AGAP1: variants seen among roughly 807,000 people sequenced by gnomAD.
AGAP1 encodes the protein arf-GAP with GTPase, ANK repeat and PH domain-containing protein 1.
AGAP1 carries 29 observed loss-of-function variants against 105.3 expected under a neutral mutation model. That is an observed-to-expected ratio of 0.28 (90% CI 0.21 to 0.38). AGAP1 has a LOEUF of 0.38. Among genes scored for constraint, AGAP1 ranks in the 10% least tolerant of loss-of-function variants. The pLI, the probability that AGAP1 is intolerant of heterozygous loss-of-function variation, is 1.00. For missense variants in AGAP1, 998 were observed against 1,165.1 expected (o/e 0.86, Z 2.09); for synonymous variants, 509 against 485.9 (o/e 1.05, Z -0.63).
Position 235,988,662 on chromosome 2 carries a change from G to C in AGAP1, c.1645+20039G>C, listed in dbSNP as rs1404052235. 6.6e-6 allele frequency among the ~76,000 whole-genome samples: 1 copy of C among 152,096 alleles called. No individual in the cohort carries two copies. Among genetic ancestry groups the C allele is most frequent in the Admixed American group, 6.6e-5 (1 of 15,262 alleles). On this transcript the variant is annotated intron_variant, in intron 13 of 17. Transcript: ENST00000304032. This position sits in a 1 kb window ranked among gnomAD's most constrained non-coding sequence, Gnocchi z 4.7. ...CCTGTAACTTTCCAGTAATGAGGGG[G>C]CCCAGTGGGTAAATGGAATCTTAAA...
At chr2:235,671,897 C>T (rs963523960) in intron 1 of AGAP1, among the ~76,000 whole-genome samples, 17 of 152,090 alleles carry the variant, frequency 1.1e-4, no homozygotes, top group African/African-American at 4.1e-4. Flanking sequence ...CTCCAGAAAC[C>T]TCAAAACACA....
rs1265789711 is a variant in AGAP1, at chr2:235,993,355, T to TGGAAGCCCAAGAAGGCA, written c.1645+24736_1645+24752dup. On this transcript the variant is annotated intron_variant, in intron 13 of 17. Coordinates refer to ENST00000304032, the MANE Select transcript of AGAP1 (RefSeq NM_001037131.3). This position sits in a 1 kb window ranked among gnomAD's most constrained non-coding sequence, Gnocchi z 5.0. Reference sequence around the variant, plus strand: ...GTTAGCCTTGTCCCTTCGACTAGGCTGGAAGCCCAAGAAGGCAGGAGACTC... The same window carrying TGGAAGCCCAAGAAGGCA: ...GTTAGCCTTGTCCCTTCGACTAGGCTGGAAGCCCAAGAAGGCAGGAAGCCCAAGAAGGCAGGAGACTC... Among the ~76,000 whole-genome samples, 2 of 152,206 alleles carry TGGAAGCCCAAGAAGGCA rather than the reference T, an allele frequency of 1.3e-5. No homozygotes were observed. The highest frequency in any genetic ancestry group is 1.5e-5 in the Non-Finnish European group (1 of 68,040).
At chr2:235,846,385 G>A (rs1411827490) in intron 9 of AGAP1, among the ~76,000 whole-genome samples, 1 of 149,058 alleles carries the variant, frequency 6.7e-6, no homozygotes, top group Admixed American at 6.7e-5. Context: ...GTGCAGTGGT[G>A]CGATGATCTC....
rs552762184 is a variant in AGAP1 at position 235,877,399 on chromosome 2, A to T, written c.1051-5946A>T. Among the ~76,000 whole-genome samples, 4 of 152,292 alleles carry T rather than the reference A, an allele frequency of 2.6e-5. No individual in the cohort carries two copies. In the East Asian group the frequency reaches 7.7e-4, roughly 29 times the overall value. ...CCATCCGTGCCAGGGGTTAGGGATG[A>T]CGGTTGCAGGGCAGGCTCCTTTGGT... On this transcript the variant is annotated intron_variant, in intron 9 of 17. Coordinates refer to ENST00000304032, the MANE Select transcript of AGAP1 (RefSeq NM_001037131.3). This position sits in a 1 kb window ranked among gnomAD's most constrained non-coding sequence, Gnocchi z 4.3.
At chr2:235,808,060 T>C (rs1434458630) in intron 9 of AGAP1, among the ~76,000 whole-genome samples, 1 of 150,840 alleles carries the variant, frequency 6.6e-6, no homozygotes, top group African/African-American at 2.4e-5. Context: ...AAAAAAACCC[T>C]GGAGTCCACG....
At position 235,689,875 on chromosome 2, in the gene AGAP1, T is replaced by TCTG. The variant is rs1351116583; in HGVS notation, c.164-19303_164-19301dup. ...GTCCTACACCTCCTTTCCAGGAGTT[T>TCTG]CTGTGTGCATGATGCACTTCAGAAC... On this transcript the variant is annotated intron_variant, in intron 1 of 17. Transcript: ENST00000304032. This position sits in a 1 kb window ranked among gnomAD's most constrained non-coding sequence, Gnocchi z 4.2. Among the ~76,000 whole-genome samples the TCTG allele has an allele frequency of 6.6e-6, 1 of 152,198 alleles. No individual in the cohort carries two copies. Among genetic ancestry groups the TCTG allele is most frequent in the Admixed American group, 6.5e-5 (1 of 15,286 alleles).
chr2:235,669,431 G>A (rs1001818706), intron 1 of AGAP1, among the ~76,000 whole-genome samples: 2 of 151,854 alleles, frequency 1.3e-5, no homozygotes, highest in Non-Finnish European at 2.9e-5. Flanking sequence ...GCTGGGCTGG[G>A]CCCCTCGGAG....
chr2:235,534,704 C>T (rs752751768), intron 1 of AGAP1, among the ~76,000 whole-genome samples: 1 of 152,174 alleles, frequency 6.6e-6, no homozygotes, highest in Admixed American at 6.5e-5. Flanking sequence ...ACGGTGCCAC[C>T]GTTTCCTCAT....
chr2:235,594,150 G>T (rs1945440477), intron 1 of AGAP1, among the ~76,000 whole-genome samples: 1 of 152,228 alleles, frequency 6.6e-6, no homozygotes, highest in African/African-American at 2.4e-5. Flanking sequence ...CATCTGATAG[G>T]CGTTTGCTTT....
intron 16 of AGAP1, among the ~76,000 whole-genome samples, chr2:236,118,530 C>A (rs928011587): frequency 6.6e-6 from 1 of 151,984 alleles, no homozygotes; most frequent in South Asian, 2.1e-4. Context: ...GCTGGGATTA[C>A]AGGCGCCTGC....
In AGAP1 at chr2:236,131,699, T is replaced by G. The variant is rs1324824077; in HGVS notation, c.*7577T>G. 3 of 152,142 alleles carry G rather than the reference T, an allele frequency of 2.0e-5. No individual in the cohort carries two copies. The highest frequency in any genetic ancestry group is 2.9e-5 in the Non-Finnish European group (2 of 68,000). 9.4% of individuals were successfully genotyped at this position (152,142 alleles called of 1,614,324 possible). ...TTTTTGTGTCCGCTGTACAGTATTC[T>G]AAGGGAAAAAGAAAAAGAAAGATGT... On this transcript the variant is annotated 3_prime_UTR_variant, in exon 18 of 18. Transcript: ENST00000304032. The surrounding 1 kb of genome is among the most constrained non-coding windows in gnomAD (Gnocchi z 5.9).
At chr2:235,997,795 A>G (rs553631332) in intron 13 of AGAP1, among the ~76,000 whole-genome samples, 24 of 152,264 alleles carry the variant, frequency 1.6e-4, no homozygotes, top group African/African-American at 5.8e-4. Flanking sequence ...TCTTAATTGT[A>G]TAGTAGCTCA....
At chr2:235,589,723 G>A (rs916700858) in intron 1 of AGAP1, among the ~76,000 whole-genome samples, 13 of 152,104 alleles carry the variant, frequency 8.5e-5, no homozygotes, top group Non-Finnish European at 1.9e-4. Context: ...ATAGAATGGA[G>A]ATAATTGGAG....
chr2:235,584,696 A>G (rs1211476429), intron 1 of AGAP1, among the ~76,000 whole-genome samples: 1 of 151,734 alleles, frequency 6.6e-6, no homozygotes, highest in Non-Finnish European at 1.5e-5. Flanking sequence ...GAGGGAATAC[A>G]TTTCTGCTGT....
intron 6 of AGAP1, chr2:235,783,329 T>C (rs1453522074): frequency 2.1e-6 from 1 of 471,092 alleles, no homozygotes; most frequent in Admixed American, 2.4e-5. Flanking sequence ...GTCAAATAAA[T>C]TTAGATGTAT....
In AGAP1 at chr2:235,788,004, C is replaced by T. The variant is rs1221428386; in HGVS notation, c.674-9755C>T. ...AACATTCTGGGACCAAGAGTTTGAC[C>T]AAGTATTATACATTCTGGGACCTTC... On this transcript the variant is annotated intron_variant, in intron 6 of 17. Transcript: ENST00000304032. This position sits in a 1 kb window ranked among gnomAD's most constrained non-coding sequence, Gnocchi z 6.0. Among the ~76,000 whole-genome samples the T allele has an allele frequency of 3.9e-5, 6 of 152,156 alleles. No homozygotes were observed. The highest frequency in any genetic ancestry group is 1.4e-4 in the African/African-American group (6 of 41,442).
rs147471806 is a variant in AGAP1, at chr2:235,821,780, T to A, written c.1050+14449T>A. ...TTTAATCTCAGGATCCAATCCAGGA[T>A]CCCTCCTTTCACTTAATTGCTTTAT... On this transcript the variant is annotated intron_variant, in intron 9 of 17. Transcript: ENST00000304032. Among the ~76,000 whole-genome samples, 440 of 152,286 alleles carry A rather than the reference T, an allele frequency of 2.9e-3. 2 individuals carry two copies. The highest frequency in any genetic ancestry group is 0.02 in the East Asian group (104 of 5,174).
At chr2:235,938,070 A>G (rs2053075861) in intron 12 of AGAP1, among the ~76,000 whole-genome samples, 1 of 152,256 alleles carries the variant, frequency 6.6e-6, no homozygotes, top group South Asian at 2.1e-4. Flanking sequence ...CTTTCCACAC[A>G]GCTTCTCAGA....
chr2:235,636,320 C>A (rs941685155), intron 1 of AGAP1, among the ~76,000 whole-genome samples: 1 of 152,024 alleles, frequency 6.6e-6, no homozygotes, highest in Non-Finnish European at 1.5e-5. Flanking sequence ...AGGAAAGTGT[C>A]CCCTGCCCCC....
Sources: allele counts gnomAD v4.1 joint callset (sites outside exome capture counted in the v4.1 genomes callset), GRCh38; gene constraint gnomAD v4.1.1; non-coding constraint Gnocchi (gnomAD v3.1); transcripts MANE v1.5; gene names NCBI Gene and HGNC (gene_info 2026-07-23, HGNC 2026-07-21).